Variants in BMP2K observed in about 807,000 individuals in gnomAD.
The protein encoded by BMP2K is BMP-2-inducible protein kinase.
Under a neutral mutation model 116.0 loss-of-function variants are expected in BMP2K, and 74 were observed. The ratio of observed to expected loss-of-function variants is 0.64; its 90% CI spans 0.53 to 0.77. BMP2K has a LOEUF of 0.77. Ranked by LOEUF, BMP2K falls within the 30% of genes least tolerant of loss-of-function variation. The pLI, the probability that BMP2K is intolerant of heterozygous loss-of-function variation, is 0.00. For synonymous variants in BMP2K, 486 were observed against 502.5 expected, an observed-to-expected ratio of 0.97 and a Z score of 0.44; for missense variants, 1,365 against 1,403.6, an observed-to-expected ratio of 0.97 and a Z score of 0.44.
Position 78,910,911 on chromosome 4 carries a change from C to A in BMP2K, c.2364C>A (p.Leu788=), listed in dbSNP as rs551714857. The change falls in exon 16 of 16, where the codon CTC becomes CTA. Residue 788 remains leucine, a synonymous_variant. Coordinates refer to ENST00000502613, the MANE Select transcript of BMP2K (RefSeq NM_198892.2). Reference sequence around the variant, plus strand: ...AAAATCTGGGTCATAGGCCTCTCCTCATGGATTCTGAAGATGAGGAAGAAG... The same window carrying A: ...AAAATCTGGGTCATAGGCCTCTCCTAATGGATTCTGAAGATGAGGAAGAAG... The part of the protein sequence containing the change: ...EPENLGHRPL[L]MDSEDEEEEE... 6 of 1,613,918 alleles carry A rather than the reference C, an allele frequency of 3.7e-6. No homozygotes were observed. In the East Asian group the frequency reaches 1.3e-4, roughly 36 times the overall value.
chr4:78,910,565 T>C, intron 15 of BMP2K, 45 bp from the exon 16 acceptor site: 2 of 1,396,900 alleles, frequency 1.4e-6, no homozygotes, highest in Non-Finnish European at 1.9e-6. Context: ...AAGAGGATTC[T>C]GAAATGCATT....
intron 7 of BMP2K, among the ~76,000 whole-genome samples, chr4:78,854,233 T>A (rs1469225351): frequency 6.7e-6 from 1 of 149,814 alleles, no homozygotes. Flanking sequence ...ATCTTTGCTC[T>A]TAAGAGCTCA....
intron 1 of BMP2K, among the ~76,000 whole-genome samples, chr4:78,779,391 A>G (rs1203244467): frequency 3.9e-5 from 6 of 152,230 alleles, no homozygotes; most frequent in Non-Finnish European, 8.8e-5. Flanking sequence ...TGAACACTAG[A>G]CAGCACTTTA....
intron 15 of BMP2K, among the ~76,000 whole-genome samples, chr4:78,895,018 C>T (rs1392647182): frequency 6.6e-6 from 1 of 152,054 alleles, no homozygotes; most frequent in African/African-American, 2.4e-5. Context: ...CTTATATGGG[C>T]TCAGTTTGTG....
At chr4:78,888,745 T>C (rs1733245784) in intron 15 of BMP2K, among the ~76,000 whole-genome samples, 1 of 152,234 alleles carries the variant, frequency 6.6e-6, no homozygotes, top group Admixed American at 6.5e-5. Flanking sequence ...CTGTTTACTA[T>C]GGGTATTTAT....
At chr4:78,829,623 A>G (rs552828568) in intron 2 of BMP2K, among the ~76,000 whole-genome samples, 2 of 152,262 alleles carry the variant, frequency 1.3e-5, no homozygotes, top group East Asian at 3.9e-4. Flanking sequence ...CAGATCCATC[A>G]GAGAAGTCAT....
chr4:78,790,358 A>G (rs1034940308), intron 1 of BMP2K, among the ~76,000 whole-genome samples: 1 of 152,232 alleles, frequency 6.6e-6, no homozygotes, highest in Non-Finnish European at 1.5e-5. Flanking sequence ...GTAGAGTAGT[A>G]ATTACCAAAT....
chr4:78,889,402 C>G (rs1184778231), intron 15 of BMP2K, among the ~76,000 whole-genome samples: 1 of 152,038 alleles, frequency 6.6e-6, no homozygotes, highest in Non-Finnish European at 1.5e-5. Flanking sequence ...AAAGTGATCA[C>G]TGTGCAATAT....
chr4:78,788,425 A>G (rs1578466575), intron 1 of BMP2K, among the ~76,000 whole-genome samples: 1 of 151,586 alleles, frequency 6.6e-6, no homozygotes, highest in Non-Finnish European at 1.5e-5. Flanking sequence ...TGAAATTGGA[A>G]TAGATCCTTA....
intron 15 of BMP2K, among the ~76,000 whole-genome samples, chr4:78,898,659 A>G (rs1438528323): frequency 6.9e-6 from 1 of 145,236 alleles, no homozygotes; most frequent in Non-Finnish European, 1.5e-5. Context: ...CTCCATCTCA[A>G]AAAAAAAAAA....
At chr4:78,821,642 G>A (rs1284943621) in intron 1 of BMP2K, among the ~76,000 whole-genome samples, 2 of 152,092 alleles carry the variant, frequency 1.3e-5, no homozygotes, top group East Asian at 1.9e-4. Context: ...GAATGGGGTA[G>A]CAAATCAAGA....
chr4:78,818,723 G>A (rs950822881), intron 1 of BMP2K, among the ~76,000 whole-genome samples: 1 of 150,546 alleles, frequency 6.6e-6, no homozygotes, highest in Admixed American at 6.6e-5. Context: ...ATCAAGCCAT[G>A]TATTCATTTC....
intron 4 of BMP2K, among the ~76,000 whole-genome samples, chr4:78,843,403 G>A (rs1393394148): frequency 3.3e-5 from 5 of 150,898 alleles, no homozygotes; most frequent in Non-Finnish European, 7.4e-5. Flanking sequence ...TAGAATGTAA[G>A]CTCCATGAGG....
intron 1 of BMP2K, among the ~76,000 whole-genome samples, chr4:78,785,264 C>T (rs1007661426): frequency 5.3e-5 from 8 of 152,092 alleles, no homozygotes; most frequent in African/African-American, 1.9e-4. Flanking sequence ...GTTCTTGCCA[C>T]CACACCTGGC....
At chr4:78,888,797 C>CT (rs1476526551) in intron 15 of BMP2K, among the ~76,000 whole-genome samples, 1 of 152,164 alleles carries the variant, frequency 6.6e-6, no homozygotes, top group East Asian at 1.9e-4. Flanking sequence ...TATGAATTGT[C>CT]TATCTTTGAA....
intron 10 of BMP2K, among the ~76,000 whole-genome samples, chr4:78,869,420 T>G (rs1283455977): frequency 6.6e-6 from 1 of 152,140 alleles, no homozygotes; most frequent in African/African-American, 2.4e-5. Context: ...TATAAAATTT[T>G]AGCTAGATAG....
chr4:78,866,754 C>T (rs1732071741), intron 10 of BMP2K, among the ~76,000 whole-genome samples: 1 of 152,036 alleles, frequency 6.6e-6, no homozygotes, highest in Non-Finnish European at 1.5e-5. Flanking sequence ...GGGTTCAAGC[C>T]ATTCTCCTGC....
At chr4:78,782,087 T>C (rs1452376915) in intron 1 of BMP2K, among the ~76,000 whole-genome samples, 1 of 152,244 alleles carries the variant, frequency 6.6e-6, no homozygotes, top group Non-Finnish European at 1.5e-5. Flanking sequence ...GAATACTCTT[T>C]GCGCCTGGTG....
chr4:78,823,616 A>G (rs28728290), intron 1 of BMP2K, among the ~76,000 whole-genome samples: 2,676 of 144,494 alleles, frequency 0.019, 57 homozygotes, highest in African/African-American at 0.052. Flanking sequence ...ATATAGGTGT[A>G]TATATATATA....
Sources: allele counts gnomAD v4.1 joint callset (sites outside exome capture counted in the v4.1 genomes callset), GRCh38; gene constraint gnomAD v4.1.1; transcripts MANE v1.5; gene names NCBI Gene and HGNC (gene_info 2026-07-23, HGNC 2026-07-21).